MAMDC4: variants seen among roughly 807,000 people sequenced by gnomAD.
MAMDC4 encodes the protein apical endosomal glycoprotein.
MAMDC4 carries 168 observed loss-of-function variants against 153.3 expected under a neutral mutation model. That is an observed-to-expected ratio of 1.10 (90% CI 0.97 to 1.25). The LOEUF is 1.25. MAMDC4 is among the 50% of genes most tolerant of loss of function. The pLI, the probability that MAMDC4 is intolerant of heterozygous loss-of-function variation, is 0.00. For missense variants in MAMDC4, 1,701 were observed against 1,542.8 expected (o/e 1.10, Z -1.72); for synonymous variants, 744 against 651.5 (o/e 1.14, Z -2.16).
At position 136,856,822 on chromosome 9, in the gene MAMDC4, C is replaced by A; in HGVS notation, c.1833C>A (p.Gly611=). The A allele has an allele frequency of 6.2e-7, 1 of 1,612,324 alleles. No individual in the cohort carries two copies. The highest frequency in any genetic ancestry group is 8.5e-7 in the Non-Finnish European group (1 of 1,179,764). ...GCCCTGACCACGACCACACCACAGG[C>A]CAAGGTAGGATGGGCGCTCAGACCG... is the stretch of plus-strand genomic sequence containing the variant. ...SRGPDHDHTT[G]QGHFVLLDPT... is the part of the protein sequence containing the mutation. The change falls in exon 15 of 27, where the codon GGC becomes GGA. Residue 611 remains glycine (G), a synonymous_variant. Coordinates refer to ENST00000317446, the MANE Select transcript of MAMDC4 (RefSeq NM_206920.3).
At chr9:136,855,984 G>T (rs1326833667) in intron 13 of MAMDC4, 34 bp from the exon 14 acceptor site, 3 of 1,592,010 alleles carry the variant, frequency 1.9e-6, no homozygotes, top group Non-Finnish European at 2.6e-6. Context: ...GCCCTGGAAG[G>T]GATGAGGCTC....
Position 136,860,501 on chromosome 9 carries a change from A to G in MAMDC4, c.3373-61A>G, listed in dbSNP as rs1178556868. 7 of 1,547,428 alleles carry G rather than the reference A, an allele frequency of 4.5e-6. No individual in the cohort carries two copies. The East Asian group carries it at 1.4e-4, about 31-fold the overall frequency. On this transcript the variant is annotated intron_variant, in intron 26 of 26. Coordinates refer to ENST00000317446, the MANE Select transcript of MAMDC4 (RefSeq NM_206920.3). ...GTGCCATTGCACTCCATCCTGGTTGACAAGAGCGAAACTCCGTCTCAGGAA... is the reference window on the plus strand; with the variant it reads ...GTGCCATTGCACTCCATCCTGGTTGGCAAGAGCGAAACTCCGTCTCAGGAA...
In MAMDC4 at chr9:136,856,015, T is replaced by G; in HGVS notation, c.1589-3T>G. The G allele has an allele frequency of 6.2e-7, 1 of 1,609,452 alleles. No individual in the cohort carries two copies. Among genetic ancestry groups the G allele is most frequent in the African/African-American group, 1.3e-5 (1 of 74,970 alleles). ...GGCTCTGAGCACCATGCTCTTCCCC[T>G]AGGGCACTTCCTGTCTCTGCAGCGG... On this transcript the variant is annotated splice_region_variant and splice_polypyrimidine_tract_variant and intron_variant, in intron 13 of 26. Transcript: ENST00000317446.
At chr9:136,852,504 CT>C in intron 1 of MAMDC4, 42 bp downstream of exon 1, 1 of 1,600,922 alleles carries the variant, frequency 6.2e-7, no homozygotes, top group Non-Finnish European at 8.5e-7. Flanking sequence ...ACCAGGGGCC[CT>C]GGCTTCTGAG....
At chr9:136,858,124 C>A in intron 20 of MAMDC4, 27 bp downstream of exon 20, 1 of 1,532,682 alleles carries the variant, frequency 6.5e-7, no homozygotes, top group Non-Finnish European at 8.8e-7. Context: ...GTGCCCCTCC[C>A]CCTCCCCCTC....
intron 14 of MAMDC4, 72 bp from the exon 15 acceptor site, chr9:136,856,638 G>A: frequency 1.4e-6 from 2 of 1,474,686 alleles, no homozygotes; most frequent in Non-Finnish European, 9.5e-7. Flanking sequence ...AGGGACCCCG[G>A]AGCTTCCACC....
In MAMDC4 at chr9:136,853,428, C is replaced by T. The variant is rs1260289717; in HGVS notation, c.298C>T (p.His100Tyr). The T allele has an allele frequency of 1.2e-6, 2 of 1,601,468 alleles. No homozygotes were observed. ...GGCCGCACTGGAGGGTCCTGGGCCT[C>T]ACTCAGACCACACACTGGGCACCGA... ...AGAALEGPGP[H>Y]SDHTLGTDLG... is the part of the protein sequence containing the mutation. The change falls in exon 3 of 27, where the codon CAC (histidine) becomes TAC (tyrosine). Residue 100 changes from histidine (H) to tyrosine (Y), a missense_variant. By Grantham distance (83) the His-to-Tyr change is moderately conservative (BLOSUM62 2). Coordinates refer to ENST00000317446, the MANE Select transcript of MAMDC4 (RefSeq NM_206920.3).
Position 136,853,920 on chromosome 9 carries a change from G to C in MAMDC4, c.585+13G>C. ...GGGTGACTTCCGAGTGAGCTGGGAG[G>C]GTCTGGACGAGTGGGGGCCTTGAGG... is the stretch of plus-strand genomic sequence containing the variant. On this transcript the variant is annotated intron_variant, in intron 5 of 26. Coordinates refer to ENST00000317446, the MANE Select transcript of MAMDC4 (RefSeq NM_206920.3). 6.2e-7 allele frequency: 1 copy of C among 1,612,702 alleles called. No homozygotes were observed. The highest frequency in any genetic ancestry group is 8.5e-7 in the Non-Finnish European group (1 of 1,179,842).
chr9:136,860,125 C>T (rs1384491984), intron 26 of MAMDC4, 61 bp downstream of exon 26: 74 of 1,468,934 alleles, frequency 5.0e-5, no homozygotes, highest in Middle Eastern at 2.3e-4. Flanking sequence ...CGCTGGAGGG[C>T]GGGCAGTGGC....
At chr9:136,856,218 G>A (rs780258183) in intron 14 of MAMDC4, 69 bp downstream of exon 14, 1 of 1,610,706 alleles carries the variant, frequency 6.2e-7, no homozygotes, top group Non-Finnish European at 8.5e-7. Context: ...AGGGGTCTGG[G>A]GCCGGGTGAC....
rs773927693 is a variant in MAMDC4, at chr9:136,860,021, C to CA, written c.3330dup (p.Glu1111ArgfsTer8). 1 of 1,607,944 alleles carries CA rather than the reference C, an allele frequency of 6.2e-7. No individual in the cohort carries two copies. Among genetic ancestry groups the CA allele is most frequent in the South Asian group, 1.1e-5 (1 of 90,336 alleles). ...GGGAGCTGCCCCTTCCAGAGCAACA[C>CA]AGAGGCCACAGCCCCTGGCTTTGAC... On this transcript the variant is annotated frameshift_variant, in exon 26 of 27. Transcript: ENST00000317446. LOFTEE classifies it low-confidence loss of function (END_TRUNC).
In MAMDC4 at chr9:136,858,756, C is replaced by T. The variant is rs765293547; in HGVS notation, c.2859C>T (p.Pro953=). The T allele has an allele frequency of 2.7e-5, 43 of 1,610,958 alleles. No homozygotes were observed. Among genetic ancestry groups the T allele is most frequent in the African/African-American group, 2.5e-4 (19 of 74,832 alleles). ...TCTTTGAAACTGGCGTGCTGGGCCC[C>T]GGGGGCCGGGCCGCCTGGCTGCGCA... ...FAFFETGVLG[P]GGRAAWLRSE... The change falls in exon 23 of 27, where the codon CCC becomes CCT. Residue 953 remains proline, a synonymous_variant. Transcript: ENST00000317446.
rs775218533 is a variant in MAMDC4 at position 136,857,314 on chromosome 9, C to T, written c.2106+16C>T. 2.9e-5 allele frequency: 47 copies of T among 1,606,024 alleles called. No homozygotes were observed. Among genetic ancestry groups the T allele is most frequent in the Middle Eastern group, 1.6e-4 (1 of 6,074 alleles). ...CCAGTACCAGGTGAGGCCTGGCACC[C>T]GGGTGGGAGGACAGGGCAGGGCCCC... On this transcript the variant is annotated intron_variant, in intron 17 of 26. Coordinates refer to ENST00000317446, the MANE Select transcript of MAMDC4 (RefSeq NM_206920.3).
rs1157523803 is a variant in MAMDC4, at chr9:136,857,352, A to G, written c.2107-15A>G. The G allele has an allele frequency of 6.2e-7, 1 of 1,607,644 alleles. No individual in the cohort carries two copies. Among genetic ancestry groups the G allele is most frequent in the Non-Finnish European group, 8.5e-7 (1 of 1,179,100 alleles). On this transcript the variant is annotated splice_polypyrimidine_tract_variant and intron_variant, in intron 17 of 26. Coordinates refer to ENST00000317446, the MANE Select transcript of MAMDC4 (RefSeq NM_206920.3). The stretch of plus-strand genomic sequence containing the variant: ...AGGGCAGGGCCCCTGGCCAGCTGAC[A>G]CCCTCCACCCCCAGCTGCTGTTCGA...
Position 136,854,283 on chromosome 9 carries a change from G to A in MAMDC4, c.743G>A (p.Cys248Tyr). 2 of 1,607,558 alleles carry A rather than the reference G, an allele frequency of 1.2e-6. No individual in the cohort carries two copies. Among genetic ancestry groups the A allele is most frequent in the Non-Finnish European group, 8.5e-7 (1 of 1,177,594 alleles). The change falls in exon 7 of 27, where the codon TGC becomes TAC. Residue 248 changes from cysteine (C) to tyrosine (Y), a missense_variant. Coordinates refer to ENST00000317446, the MANE Select transcript of MAMDC4 (RefSeq NM_206920.3). ...NKVCVEPQQL[C>Y]DGEDNCGDLS... is the part of the protein sequence containing the mutation. ...GTCTGCGTGGAGCCCCAGCAGCTGTGCGACGGGGAAGACAACTGCGGGGAC... is the reference window on the plus strand; with the variant it reads ...GTCTGCGTGGAGCCCCAGCAGCTGTACGACGGGGAAGACAACTGCGGGGAC...
chr9:136,854,942 C>T lies in MAMDC4; in HGVS notation c.1029C>T (p.Val343=), dbSNP rs756130110. ...GCCAGCTCTTGGTTCCACAGCTGGT[C>T]TTCTATCAGTACCTGAGTGGGTCTG... ...QASGTSNCSL[V]FYQYLSGSEA... The change falls in exon 10 of 27, where the codon GTC becomes GTT. Residue 343 remains valine (V), a synonymous_variant. Transcript: ENST00000317446. 5.0e-6 allele frequency: 8 copies of T among 1,611,440 alleles called. No homozygotes were observed. The highest frequency in any genetic ancestry group is 1.6e-4 in the Middle Eastern group (1 of 6,072).
chr9:136,852,768 C>T (rs1848944397), intron 1 of MAMDC4, among the ~76,000 whole-genome samples: 1 of 152,210 alleles, frequency 6.6e-6, no homozygotes, highest in African/African-American at 2.4e-5. Context: ...CTTGTGGAGG[C>T]CCTGGGCCGC....
chr9:136,852,371 C>T lies in MAMDC4; in HGVS notation c.-46C>T. On this transcript the variant is annotated 5_prime_UTR_variant, in exon 1 of 27. Transcript: ENST00000317446. ...AGCGCAGGCTGATAACCGCACGGAACTTCCCAGGCACCCTGTGTGGCCGCA... is the reference window on the plus strand; with the variant it reads ...AGCGCAGGCTGATAACCGCACGGAATTTCCCAGGCACCCTGTGTGGCCGCA... The T allele has an allele frequency of 1.9e-6, 3 of 1,604,464 alleles. No individual in the cohort carries two copies. The highest frequency in any genetic ancestry group is 1.1e-5 in the South Asian group (1 of 91,044).
In MAMDC4 at chr9:136,859,195, T is replaced by C. The variant is rs1196199288; in HGVS notation, c.3085-14T>C. The C allele has an allele frequency of 5.0e-6, 8 of 1,607,222 alleles. No homozygotes were observed. In the African/African-American group the frequency reaches 9.4e-5, roughly 19 times the overall value. ...CACCCAGGGCCCACACAAACTCCTT[T>C]CCTTCTCCATCAGATCGTGTTTGAA... On this transcript the variant is annotated splice_polypyrimidine_tract_variant and intron_variant, in intron 24 of 26. Coordinates refer to ENST00000317446, the MANE Select transcript of MAMDC4 (RefSeq NM_206920.3).
Sources: allele counts gnomAD v4.1 joint callset (sites outside exome capture counted in the v4.1 genomes callset), GRCh38; gene constraint gnomAD v4.1.1; transcripts MANE v1.5; gene names NCBI Gene and HGNC (gene_info 2026-07-23, HGNC 2026-07-21).